Variants in ZRANB3 observed in about 807,000 individuals in gnomAD.
The protein encoded by ZRANB3 is zinc finger RANBP2-type containing 3.
In ZRANB3, 125 loss-of-function variants were observed where a neutral mutation model predicts 133.8. The observed-to-expected ratio is 0.93, with a 90% CI of 0.81 to 1.08. The LOEUF is 1.08. Ranked by LOEUF, ZRANB3 falls within the 50% of genes least tolerant of loss-of-function variation. The pLI is 0.00. For synonymous variants in ZRANB3, 387 were observed against 432.7 expected (o/e 0.89, Z 1.31); for missense variants, 1,229 against 1,275.5 (o/e 0.96, Z 0.56).
At chr2:135,443,126 AG>A (rs1179658912) in intron 2 of ZRANB3, among the ~76,000 whole-genome samples, 1 of 132,364 alleles carries the variant, frequency 7.6e-6, no homozygotes, top group African/African-American at 3.6e-5. Context: ...AAAAAAAAAA[AG>A]AAAGAAAAAG....
chr2:135,297,518 C>T (rs966218184), intron 8 of ZRANB3, among the ~76,000 whole-genome samples: 7 of 152,218 alleles, frequency 4.6e-5, no homozygotes, highest in South Asian at 2.1e-4. Context: ...TGACCCCTTG[C>T]GCTTCACGGG....
chr2:135,202,825 C>A lies in ZRANB3; in HGVS notation c.3141+7G>T. 1 of 1,604,372 alleles carries A rather than the reference C, an allele frequency of 6.2e-7. No individual in the cohort carries two copies. The highest frequency in any genetic ancestry group is 2.2e-5 in the East Asian group (1 of 44,614). On this transcript the variant is annotated splice_region_variant and intron_variant, in intron 20 of 20. Coordinates refer to ENST00000264159, the MANE Select transcript of ZRANB3 (RefSeq NM_032143.4). ...TGCAGTCAAAGCTATATGAGAGCTT[C>A]ACTGACCTCTTTGTGACAGACTGTG... is the stretch of plus-strand genomic sequence containing the variant.
chr2:135,380,039 C>A (rs930595953), intron 3 of ZRANB3, among the ~76,000 whole-genome samples: 2 of 151,922 alleles, frequency 1.3e-5, no homozygotes, highest in Admixed American at 1.3e-4. Flanking sequence ...AGACTTTAAG[C>A]CAACAAAGAT....
intron 15 of ZRANB3, among the ~76,000 whole-genome samples, chr2:135,220,789 A>C (rs1266776368): frequency 5.3e-5 from 8 of 151,946 alleles, no homozygotes; most frequent in Non-Finnish European, 1.5e-5. Flanking sequence ...AATATGACAC[A>C]GGATGCTAAA....
chr2:135,295,447 CT>C (rs1287312547), intron 8 of ZRANB3, among the ~76,000 whole-genome samples: 1 of 152,106 alleles, frequency 6.6e-6, no homozygotes, highest in African/African-American at 2.4e-5. Context: ...TTCCTCCATC[CT>C]TTTATTTTGA....
chr2:135,211,213 C>T (rs992745860), intron 17 of ZRANB3, among the ~76,000 whole-genome samples: 2 of 152,040 alleles, frequency 1.3e-5, no homozygotes, highest in Non-Finnish European at 2.9e-5. Flanking sequence ...GTACAACCAT[C>T]ATCACTAATT....
chr2:135,277,874 G>A (rs1317759926), intron 8 of ZRANB3, among the ~76,000 whole-genome samples: 18 of 148,688 alleles, frequency 1.2e-4, no homozygotes, highest in Admixed American at 9.4e-4. Flanking sequence ...GCAGTGAGCC[G>A]AGATTACACC....
intron 19 of ZRANB3, among the ~76,000 whole-genome samples, chr2:135,203,363 T>C (rs559610152): frequency 1.3e-5 from 2 of 152,146 alleles, no homozygotes; most frequent in Non-Finnish European, 2.9e-5. Context: ...CTCATGCCTG[T>C]AATCCCAGCA....
chr2:135,530,779 A>AT (rs1377610665), intron 1 of ZRANB3: 1 of 152,226 alleles, frequency 6.6e-6, no homozygotes, highest in African/African-American at 2.4e-5. Context: ...ATTTCAAGTC[A>AT]TTCAAAACTC....
chr2:135,485,175 A>T lies in ZRANB3; in HGVS notation c.161+19154T>A, dbSNP rs146336504. ...AAACAAAACAAAACAAAACAAAACAAAACAAAACAAAACATAACATAACAT... is the reference window on the plus strand; with the variant it reads ...AAACAAAACAAAACAAAACAAAACATAACAAAACAAAACATAACATAACAT... On this transcript the variant is annotated intron_variant, in intron 2 of 20. Transcript: ENST00000264159. Among the ~76,000 whole-genome samples the T allele has an allele frequency of 8.0e-3, 1,014 of 127,034 alleles. 7 individuals carry two copies. The highest frequency in any genetic ancestry group is 0.042 in the South Asian group (136 of 3,270). The allele number at this position is 127,034 out of a possible 152,430, so 83.3% of individuals were successfully genotyped here. A position where few individuals can be genotyped will look rare whatever the true frequency, so the allele number is the denominator to read the frequency against.
At chr2:135,519,529 T>C (rs1693836737) in intron 1 of ZRANB3, among the ~76,000 whole-genome samples, 1 of 152,114 alleles carries the variant, frequency 6.6e-6, no homozygotes, top group African/African-American at 2.4e-5. Flanking sequence ...AGACCTATAT[T>C]TGGGTCTTTC....
chr2:135,287,508 T>G (rs1681437887), intron 8 of ZRANB3, among the ~76,000 whole-genome samples: 1 of 152,140 alleles, frequency 6.6e-6, no homozygotes, highest in South Asian at 2.1e-4. Flanking sequence ...TGATTGCTTT[T>G]GGCCATATGG....
intron 2 of ZRANB3, among the ~76,000 whole-genome samples, chr2:135,441,753 A>T (rs1363658586): frequency 1.3e-5 from 2 of 152,132 alleles, no homozygotes; most frequent in African/African-American, 4.8e-5. Context: ...GAGATATGTT[A>T]AAAATATGTA....
intron 8 of ZRANB3, among the ~76,000 whole-genome samples, chr2:135,308,240 G>A (rs1165479728): frequency 1.3e-5 from 2 of 152,030 alleles, no homozygotes; most frequent in Non-Finnish European, 2.9e-5. Context: ...ATCAGTGCAG[G>A]GTCCTGAGTC....
At chr2:135,448,896 GTTC>G (rs780590766) in intron 2 of ZRANB3, among the ~76,000 whole-genome samples, 51 of 152,320 alleles carry the variant, frequency 3.3e-4, no homozygotes, top group Admixed American at 3.9e-4. Context: ...CATCACACAA[GTTC>G]TTCTTGCAAG....
In ZRANB3 at chr2:135,200,217, A is replaced by C. The variant is rs1693562148; in HGVS notation, c.*125T>G. The C allele has an allele frequency of 1.3e-6, 1 of 758,762 alleles. No homozygotes were observed. The highest frequency in any genetic ancestry group is 1.8e-5 in the African/African-American group (1 of 56,738). 47.0% of individuals were successfully genotyped at this position (758,762 alleles called of 1,614,324 possible). A position where few individuals can be genotyped will look rare whatever the true frequency, so the allele number is the denominator to read the frequency against. ...TACTAAAAGTAATTAGTAGAAGAGA[A>C]TTTGAATTCTTGATTTTTGTTCTGA... On this transcript the variant is annotated 3_prime_UTR_variant, in exon 21 of 21. Coordinates refer to ENST00000264159, the MANE Select transcript of ZRANB3 (RefSeq NM_032143.4).
chr2:135,355,179 TAAC>T, intron 3 of ZRANB3: 3 of 970,586 alleles, frequency 3.1e-6, no homozygotes, highest in Non-Finnish European at 3.7e-6. Context: ...CTGCTCCTGT[TAAC>T]AACAAAAAAG....
chr2:135,522,013 A>T (rs1181668301), intron 1 of ZRANB3, among the ~76,000 whole-genome samples: 1 of 152,196 alleles, frequency 6.6e-6, no homozygotes, highest in Non-Finnish European at 1.5e-5. Context: ...CTCCTAGAGC[A>T]TAACAGCTCT....
At chr2:135,339,417 C>G (rs184411010) in intron 6 of ZRANB3, among the ~76,000 whole-genome samples, 37 of 149,722 alleles carry the variant, frequency 2.5e-4, no homozygotes, top group African/African-American at 9.1e-4. Context: ...AAAAAAACAA[C>G]AAAAAAAACA....
Sources: allele counts gnomAD v4.1 joint callset (sites outside exome capture counted in the v4.1 genomes callset), GRCh38; gene constraint gnomAD v4.1.1; transcripts MANE v1.5; gene names NCBI Gene and HGNC (gene_info 2026-07-23, HGNC 2026-07-21).